RNLS: variants seen among roughly 807,000 people sequenced by gnomAD.
RNLS encodes renalase.
RNLS carries 39 observed loss-of-function variants against 39.8 expected under a neutral mutation model. The ratio of observed to expected loss-of-function variants is 0.98; its 90% CI spans 0.76 to 1.28. The LOEUF (loss-of-function observed/expected upper bound fraction) is 1.28. Ranked by LOEUF, RNLS falls within the 50% of genes most tolerant of loss-of-function variation. RNLS has a pLI of 0.00. For missense variants in RNLS, 410 were observed against 413.3 expected (o/e 0.99, Z 0.07); for synonymous variants, 147 against 150.7 (o/e 0.98, Z 0.18).
the RNLS span, among the ~76,000 whole-genome samples, chr10:88,172,984 C>G: frequency 0.93 from 139,580 of 150,486 alleles, 64,949 homozygotes; most frequent in African/African-American, 0.98. Context: ...AGCCTCCCCA[C>G]TAGCTGGGAC....
chr10:88,343,944 C>G (rs1249115476), intron 5 of RNLS: 2 of 395,802 alleles, frequency 5.1e-6, no homozygotes, highest in Non-Finnish European at 6.9e-6. Context: ...TAAAAAAGCC[C>G]TGGTTTTCTA....
chr10:88,280,402 G>C (rs1023701514), downstream of RNLS, among the ~76,000 whole-genome samples: 1 of 152,134 alleles, frequency 6.6e-6, no homozygotes, highest in Non-Finnish European at 1.5e-5. Flanking sequence ...ACGTGGCATA[G>C]GATCAAGGAA....
chr10:88,274,764 C>T, exon 7 of RNLS: 3 of 422,354 alleles, frequency 7.1e-6, no homozygotes, highest in South Asian at 3.3e-5. Context: ...AAGAAATTGC[C>T]GTATCATTTT....
intron 4 of RNLS, among the ~76,000 whole-genome samples, chr10:88,568,515 G>A (rs1043447557): frequency 6.6e-6 from 1 of 151,966 alleles, no homozygotes; most frequent in African/African-American, 2.4e-5. Flanking sequence ...TTTTGTGTGT[G>A]TCGTTGTTGT....
intron 3 of RNLS, among the ~76,000 whole-genome samples, chr10:88,574,056 G>A (rs990234733): frequency 1.3e-5 from 2 of 152,068 alleles, no homozygotes; most frequent in Admixed American, 6.5e-5. Flanking sequence ...CACGAGAATC[G>A]CTTGAACTCG....
chr10:88,563,720 A>G (rs1849328809), intron 4 of RNLS, among the ~76,000 whole-genome samples: 1 of 152,142 alleles, frequency 6.6e-6, no homozygotes, highest in Non-Finnish European at 1.5e-5. Flanking sequence ...CCACTGAGAA[A>G]GCAGTTATTG....
chr10:88,221,964 T>C, the RNLS span, among the ~76,000 whole-genome samples: 2 of 152,228 alleles, frequency 1.3e-5, no homozygotes, highest in South Asian at 4.1e-4. Flanking sequence ...GGGTCTCAGC[T>C]TTTATGAGCT....
intron 4 of RNLS, among the ~76,000 whole-genome samples, chr10:88,560,992 A>T (rs1488593228): frequency 1.3e-5 from 2 of 151,918 alleles, no homozygotes; most frequent in Non-Finnish European, 2.9e-5. Context: ...ACAGACCCAT[A>T]ATCCACTCTG....
chr10:88,485,011 A>G (rs2134035515), intron 4 of RNLS, among the ~76,000 whole-genome samples: 1 of 152,096 alleles, frequency 6.6e-6, no homozygotes, highest in South Asian at 2.1e-4. Context: ...TTCATAAGTC[A>G]GAAGGCTCAA....
At position 88,583,266 on chromosome 10, in the gene RNLS, G is replaced by A. The variant is rs1249405518; in HGVS notation, c.-76C>T. 1.3e-6 allele frequency: 2 copies of A among 1,581,914 alleles called. No individual in the cohort carries two copies. Among genetic ancestry groups the A allele is most frequent in the African/African-American group, 2.7e-5 (2 of 74,012 alleles). On this transcript the variant is annotated 5_prime_UTR_variant, in exon 1 of 7. Coordinates refer to ENST00000331772, the MANE Select transcript of RNLS (RefSeq NM_001031709.3). ...GCCCGGGCTTTCTGGAAAGGCGGCC[G>A]AACCGGCGCTAGCGCTCTTTGGTTC...
intron 5 of RNLS, among the ~76,000 whole-genome samples, chr10:88,342,239 A>G (rs1848007488): frequency 1.3e-5 from 2 of 152,314 alleles, no homozygotes; most frequent in Non-Finnish European, 2.9e-5. Flanking sequence ...GACTTTGTGT[A>G]AGCCACAGTG....
chr10:88,230,836 C>T, the RNLS span, among the ~76,000 whole-genome samples: 55 of 152,312 alleles, frequency 3.6e-4, no homozygotes, highest in African/African-American at 1.3e-3. Context: ...GGGATTGATA[C>T]AATTATTAGT....
the RNLS span, among the ~76,000 whole-genome samples, chr10:88,252,304 G>A: frequency 2.0e-5 from 3 of 152,114 alleles, no homozygotes; most frequent in Admixed American, 1.3e-4. Context: ...GACAAAAAAC[G>A]CTGGTGGTTC....
intron 4 of RNLS, among the ~76,000 whole-genome samples, chr10:88,538,073 G>A (rs941282829): frequency 6.6e-6 from 1 of 152,136 alleles, no homozygotes. Flanking sequence ...GATGGTTAAT[G>A]CAGCACAATT....
the RNLS span, among the ~76,000 whole-genome samples, chr10:88,212,820 C>A: frequency 6.6e-6 from 1 of 152,210 alleles, no homozygotes; most frequent in Non-Finnish European, 1.5e-5. Context: ...GTAGTTGGCA[C>A]ATGTCTTGCC....
exon 7 of RNLS, chr10:88,274,101 G>A (rs1016460065): frequency 2.4e-4 from 37 of 152,294 alleles, no homozygotes; most frequent in African/African-American, 8.7e-4. Flanking sequence ...CTGCTAGAGA[G>A]AGGGGCCTCA....
At chr10:88,512,308 T>C (rs1462915219) in intron 4 of RNLS, among the ~76,000 whole-genome samples, 2 of 152,186 alleles carry the variant, frequency 1.3e-5, no homozygotes, top group Non-Finnish European at 2.9e-5. Context: ...CAATTCTTTC[T>C]AAAGTAAATT....
the RNLS span, among the ~76,000 whole-genome samples, chr10:88,185,935 T>C: frequency 6.6e-6 from 1 of 152,194 alleles, no homozygotes; most frequent in Non-Finnish European, 1.5e-5. Flanking sequence ...AAGCCTTTTC[T>C]CACCAAGGGT....
chr10:88,337,788 G>A lies in RNLS; in HGVS notation c.701-23147C>T, dbSNP rs114152029. On this transcript the variant is annotated intron_variant, in intron 5 of 6. Coordinates refer to ENST00000331772, the MANE Select transcript of RNLS (RefSeq NM_001031709.3). ...TTTTCTTGCTTAAGCCATTTGAGAT[G>A]AGTTTTATGTCACTTGCAACTTAAA... Among the ~76,000 whole-genome samples, 557 of 152,282 alleles carry A rather than the reference G, an allele frequency of 3.7e-3. 2 individuals carry two copies. Among genetic ancestry groups the A allele is most frequent in the African/African-American group, 0.012 (510 of 41,546 alleles).
Sources: allele counts gnomAD v4.1 joint callset (sites outside exome capture counted in the v4.1 genomes callset), GRCh38; gene constraint gnomAD v4.1.1; transcripts MANE v1.5; gene names NCBI Gene and HGNC (gene_info 2026-07-23, HGNC 2026-07-21).